NTN1: variants seen among roughly 807,000 people sequenced by gnomAD.
NTN1 encodes the protein netrin 1.
In NTN1, 11 loss-of-function variants were observed where a neutral mutation model predicts 54.2. The observed-to-expected ratio is 0.20, with a 90% CI of 0.13 to 0.34. The LOEUF (loss-of-function observed/expected upper bound fraction) is 0.34. Among genes scored for constraint, NTN1 ranks in the 10% least tolerant of loss-of-function variants. NTN1 has a pLI of 1.00. For missense variants in NTN1, 740 were observed against 893.1 expected (o/e 0.83, Z 2.18); for synonymous variants, 371 against 382.0 (o/e 0.97, Z 0.33).
At chr17:9,034,445 T>TA (rs1446333777) in intron 2 of NTN1, among the ~76,000 whole-genome samples, 1 of 145,526 alleles carries the variant, frequency 6.9e-6, no homozygotes, top group African/African-American at 2.5e-5. Flanking sequence ...TTTTTTAAGA[T>TA]AGAGTCTTGC....
intron 2 of NTN1, among the ~76,000 whole-genome samples, chr17:9,159,111 A>C (rs1181823519): frequency 6.6e-6 from 1 of 152,258 alleles, no homozygotes; most frequent in Non-Finnish European, 1.5e-5. Flanking sequence ...TGTGAATGAG[A>C]AACTTAAAAA....
chr17:9,092,412 C>T (rs961237009), intron 2 of NTN1, among the ~76,000 whole-genome samples: 2 of 149,602 alleles, frequency 1.3e-5, no homozygotes, highest in Non-Finnish European at 3.0e-5. Flanking sequence ...CTCAGCCTCC[C>T]GAGTAGCTGG....
Position 9,235,535 on chromosome 17 carries a change from C to CA in NTN1, c.1487-4101dup, listed in dbSNP as rs1905956517. ...CTTAGTCAGTTCTGGGCTGCTGCAA[C>CA]AAAACCCCTTAGATTGGGTGATTGA... is the stretch of plus-strand genomic sequence containing the variant. On this transcript the variant is annotated intron_variant, in intron 6 of 6. Transcript: ENST00000173229. Among the ~76,000 whole-genome samples the CA allele has an allele frequency of 1.3e-5, 2 of 152,166 alleles. 1 individual carries two copies. The highest frequency in any genetic ancestry group is 3.9e-4 in the East Asian group (2 of 5,190).
intron 6 of NTN1, among the ~76,000 whole-genome samples, chr17:9,229,419 T>C (rs557293312): frequency 3.4e-3 from 198 of 58,000 alleles, no homozygotes; most frequent in Middle Eastern, 0.019. Context: ...GGGATTTTCA[T>C]TCCTGTCAAT....
At chr17:9,065,512 C>A (rs919416552) in intron 2 of NTN1, among the ~76,000 whole-genome samples, 16 of 152,232 alleles carry the variant, frequency 1.1e-4, no homozygotes, top group Admixed American at 1.0e-3. Flanking sequence ...ACCCATATGG[C>A]CACAGTCTCT....
chr17:9,132,011 A>G (rs941306680), intron 2 of NTN1, among the ~76,000 whole-genome samples: 4 of 148,554 alleles, frequency 2.7e-5, no homozygotes, highest in African/African-American at 1.0e-4. Context: ...ACTGGGTTTC[A>G]CTGTGTTAGC....
intron 2 of NTN1, among the ~76,000 whole-genome samples, chr17:9,101,878 A>C (rs1310894083): frequency 6.6e-6 from 1 of 152,096 alleles, no homozygotes; most frequent in African/African-American, 2.4e-5. Flanking sequence ...CTGTAGTCCC[A>C]GCTGCTGGGA....
chr17:9,090,183 C>CTT (rs1305938523), intron 2 of NTN1, among the ~76,000 whole-genome samples: 2 of 140,594 alleles, frequency 1.4e-5, no homozygotes. Flanking sequence ...TTTTCTTTTT[C>CTT]TTTTTTTTTT....
chr17:9,185,367 A>C (rs1048503805), intron 5 of NTN1, among the ~76,000 whole-genome samples: 4 of 152,134 alleles, frequency 2.6e-5, no homozygotes, highest in African/African-American at 9.7e-5. Context: ...TGAATAGGGG[A>C]GGCCTCTGTG....
At chr17:9,146,362 C>T (rs563373212) in intron 2 of NTN1, among the ~76,000 whole-genome samples, 17 of 152,328 alleles carry the variant, frequency 1.1e-4, no homozygotes, top group African/African-American at 3.8e-4. Context: ...TCAGCTCCCA[C>T]CTCCTGCCCT....
At chr17:9,104,816 C>T (rs1216155299) in intron 2 of NTN1, among the ~76,000 whole-genome samples, 1 of 152,202 alleles carries the variant, frequency 6.6e-6, no homozygotes, top group Non-Finnish European at 1.5e-5. Flanking sequence ...AAGGATTTCC[C>T]ACGTGGGCTT....
At chr17:9,230,877 G>C (rs773566822) in intron 6 of NTN1, among the ~76,000 whole-genome samples, 8 of 152,174 alleles carry the variant, frequency 5.3e-5, no homozygotes, top group Non-Finnish European at 1.2e-4. Flanking sequence ...TTAGGAAGGA[G>C]GGGTGGGGAG....
intron 2 of NTN1, among the ~76,000 whole-genome samples, chr17:9,091,252 C>T (rs1031737876): frequency 3.3e-5 from 5 of 152,060 alleles, no homozygotes; most frequent in Non-Finnish European, 7.4e-5. Flanking sequence ...ACCATCTAAA[C>T]CATTTTTCTC....
At chr17:9,183,022 G>C in intron 5 of NTN1, 53 bp downstream of exon 5, 1 of 1,572,052 alleles carries the variant, frequency 6.4e-7, no homozygotes, top group Non-Finnish European at 8.8e-7. Context: ...TGGTGGGGTG[G>C]TGGGGTGGGT....
rs1221097066 is a variant in NTN1 at position 9,242,551 on chromosome 17, G to A, written c.*2583G>A. The A allele has an allele frequency of 5.9e-5, 9 of 152,290 alleles. No individual in the cohort carries two copies. The East Asian group carries it at 1.3e-3, about 23-fold the overall frequency. 9.4% of individuals were successfully genotyped at this position (152,290 alleles called of 1,614,324 possible). A position where few individuals can be genotyped will look rare whatever the true frequency, so the allele number is the denominator to read the frequency against. On this transcript the variant is annotated 3_prime_UTR_variant, in exon 7 of 7. Transcript: ENST00000173229. ...TGGTCTCTGAGGCCACCTCAGCAAC[G>A]GAGCTGGCGACACGCCAAGCAACAA...
At chr17:9,034,823 G>A (rs908377014) in intron 2 of NTN1, among the ~76,000 whole-genome samples, 1 of 152,162 alleles carries the variant, frequency 6.6e-6, no homozygotes, top group Non-Finnish European at 1.5e-5. Flanking sequence ...ATATGCACAC[G>A]CTTGTATAAC....
rs749715449 is a variant in NTN1, at chr17:9,132,087, G to A, written c.1019-30726G>A. 4.0e-5 allele frequency among the ~76,000 whole-genome samples: 6 copies of A among 151,396 alleles called. No homozygotes were observed. The East Asian group carries it at 5.8e-4, about 15-fold the overall frequency. ...CAGCCTCTGTTTCAATACTCTGTCC[G>A]CGCAGGAGTTAGACCATGTCACTTT... On this transcript the variant is annotated intron_variant, in intron 2 of 6. Coordinates refer to ENST00000173229, the MANE Select transcript of NTN1 (RefSeq NM_004822.3).
rs779470552 is a variant in NTN1, at chr17:9,185,625, G to A, written c.1411+2656G>A. On this transcript the variant is annotated intron_variant, in intron 5 of 6. Transcript: ENST00000173229. ...GCCGGGTAGGCCAGGAGGGAAACAG[G>A]GAGGAAAGGAGAGAGGGACCACCCA... Among the ~76,000 whole-genome samples, 62 of 152,176 alleles carry A rather than the reference G, an allele frequency of 4.1e-4. No homozygotes were observed. The Middle Eastern group carries it at 0.014, about 33-fold the overall frequency.
chr17:9,192,627 A>G (rs1904491890), intron 5 of NTN1, among the ~76,000 whole-genome samples: 1 of 152,148 alleles, frequency 6.6e-6, no homozygotes, highest in Non-Finnish European at 1.5e-5. Context: ...CTGGCCCCAA[A>G]TGGTGATGGT....
Sources: allele counts gnomAD v4.1 joint callset (sites outside exome capture counted in the v4.1 genomes callset), GRCh38; gene constraint gnomAD v4.1.1; transcripts MANE v1.5; gene names NCBI Gene and HGNC (gene_info 2026-07-23, HGNC 2026-07-21).